The following NID2 variants were observed in gnomAD, a reference collection of about 807,000 sequenced individuals.
NID2 encodes nidogen-2.
NID2 carries 83 observed loss-of-function variants against 145.4 expected under a neutral mutation model. The ratio of observed to expected loss-of-function variants is 0.57; its 90% CI spans 0.48 to 0.69. The LOEUF (loss-of-function observed/expected upper bound fraction) is 0.69, where lower values mean the gene tolerates loss of function less well. Ranked by LOEUF, NID2 falls within the 30% of genes least tolerant of loss-of-function variation. The pLI is 0.00. For missense variants in NID2, 1,807 were observed against 1,765.7 expected (o/e 1.02, Z -0.42); for synonymous variants, 739 against 701.3 (o/e 1.05, Z -0.85).
chr14:52,036,646 T>A (rs1231810404), intron 9 of NID2, among the ~76,000 whole-genome samples: 1 of 152,216 alleles, frequency 6.6e-6, no homozygotes, highest in African/African-American at 2.4e-5. Flanking sequence ...GTTCCGAATT[T>A]TCCATGTTCT....
At chr14:52,023,588 T>G (rs1364525557) in intron 12 of NID2, among the ~76,000 whole-genome samples, 2 of 152,216 alleles carry the variant, frequency 1.3e-5, no homozygotes, top group Non-Finnish European at 2.9e-5. Context: ...GGGCCATCTG[T>G]AACCCAGCTT....
chr14:52,046,124 C>T (rs1892482401), intron 5 of NID2, among the ~76,000 whole-genome samples: 1 of 152,050 alleles, frequency 6.6e-6, no homozygotes, highest in African/African-American at 2.4e-5. Flanking sequence ...GAGACTGAGA[C>T]CATCCTGGCT....
At chr14:52,009,744 C>T (rs1890934524) in intron 18 of NID2, 1 of 152,190 alleles carries the variant, frequency 6.6e-6, no homozygotes, top group South Asian at 2.1e-4. Context: ...ACCTATAATC[C>T]CAGCACTTTG....
intron 12 of NID2, among the ~76,000 whole-genome samples, chr14:52,022,814 C>T (rs1248177991): frequency 6.6e-6 from 1 of 152,204 alleles, no homozygotes; most frequent in African/African-American, 2.4e-5. Flanking sequence ...TAACCCCTGG[C>T]CTCGAGTTCC....
At chr14:52,030,664 AAAAG>A (rs1251626947) in intron 9 of NID2, among the ~76,000 whole-genome samples, 5 of 151,008 alleles carry the variant, frequency 3.3e-5, no homozygotes, top group African/African-American at 9.8e-5. Context: ...GAAAGAAAGA[AAAAG>A]AAAAGAAAGA....
intron 5 of NID2, 44 bp from the exon 6 acceptor site, chr14:52,042,975 C>T (rs1371147017): frequency 6.3e-7 from 1 of 1,594,024 alleles, no homozygotes; most frequent in African/African-American, 1.3e-5. Flanking sequence ...TAAATGATTC[C>T]AATGTCACTG....
chr14:52,026,389 C>T (rs1891587279), intron 12 of NID2, among the ~76,000 whole-genome samples: 1 of 152,150 alleles, frequency 6.6e-6, no homozygotes, highest in Non-Finnish European at 1.5e-5. Flanking sequence ...CCCAGCAGGC[C>T]CTTTCCCATT....
chr14:52,007,490 T>TC, intron 19 of NID2: 1 of 311,728 alleles, frequency 3.2e-6, no homozygotes. Context: ...ATAGTGACCC[T>TC]CTCCCCGCAT....
At chr14:52,035,854 GTGTATATATATA>G (rs1892043194) in intron 9 of NID2, among the ~76,000 whole-genome samples, 1 of 36,074 alleles carries the variant, frequency 2.8e-5, no homozygotes, top group Non-Finnish European at 5.9e-5. Flanking sequence ...AAATTTTTTT[GTGTATATATATA>G]TATATATATA....
At chr14:52,005,916 C>CAGAAAATCAGTTGCAATAGAGGAAA (rs1890760905) in intron 20 of NID2, 67 bp from the exon 21 acceptor site, 6 of 1,205,288 alleles carry the variant, frequency 5.0e-6, no homozygotes, top group Non-Finnish European at 7.3e-6. Context: ...CAGTCAGCCA[C>CAGAAAATCAGTTGCAATAGAGGAAA]AGAAAATCAG....
intron 19 of NID2, 36 bp downstream of exon 19, chr14:52,007,774 A>G (rs1191263251): frequency 4.5e-6 from 7 of 1,560,880 alleles, no homozygotes; most frequent in Non-Finnish European, 6.2e-6. Context: ...CACTGTGATG[A>G]GAGGTTATCT....
At chr14:52,007,708 A>G (rs1019672974) in intron 19 of NID2, 102 bp downstream of exon 19, 2 of 1,037,716 alleles carry the variant, frequency 1.9e-6, no homozygotes, top group Non-Finnish European at 1.5e-6. Flanking sequence ...GACCAAAGAA[A>G]GGAGATCTAA....
At chr14:52,023,224 C>G (rs10129648) in intron 12 of NID2, among the ~76,000 whole-genome samples, 1 of 152,068 alleles carries the variant, frequency 6.6e-6, no homozygotes, top group Non-Finnish European at 1.5e-5. Context: ...CGCCTGTAAT[C>G]CCAGCACTTT....
intron 5 of NID2, 65 bp downstream of exon 5, chr14:52,053,514 C>T (rs888479927): frequency 4.0e-6 from 6 of 1,518,808 alleles, no homozygotes; most frequent in Admixed American, 4.2e-5. Context: ...AGAAAAATCA[C>T]AACGCTATGC....
chr14:52,014,223 T>A (rs1891131536), intron 16 of NID2, 64 bp downstream of exon 16: 7 of 1,596,364 alleles, frequency 4.4e-6, no homozygotes, highest in Non-Finnish European at 6.0e-6. Flanking sequence ...CAACAGGGCC[T>A]GTGAGGTGGC....
chr14:52,052,902 C>T (rs1892722091), intron 5 of NID2, among the ~76,000 whole-genome samples: 1 of 152,168 alleles, frequency 6.6e-6, no homozygotes, highest in South Asian at 2.1e-4. Context: ...ACATAGACCC[C>T]ATGTCCATGA....
chr14:52,040,889 G>T (rs765635516), intron 7 of NID2, 38 bp from the exon 8 acceptor site: 2 of 1,595,864 alleles, frequency 1.3e-6, no homozygotes, highest in South Asian at 1.1e-5. Context: ...GATGAAAAGA[G>T]GTCTTGCTTA....
rs1200919156 is a variant in NID2, at chr14:52,006,641, A to G, written c.3900T>C (p.Cys1300=). 1 of 1,613,712 alleles carries G rather than the reference A, an allele frequency of 6.2e-7. No individual in the cohort carries two copies. The highest frequency in any genetic ancestry group is 1.1e-5 in the South Asian group (1 of 91,060). ...GCCGTCCAGTTCCATCAGGTAGTGT[A>G]CACTCCAGTTTTTTGGTTCCTTTTA... ...WADAGTKKLE[C]TLPDGTGRRV... Residue 1300 remains cysteine (C), a synonymous_variant, in exon 20 of 22, where the codon TGT becomes TGC. Transcript: ENST00000216286.
chr14:52,047,723 C>T lies in NID2; in HGVS notation c.1430-4792G>A, dbSNP rs184209163. Among the ~76,000 whole-genome samples the T allele has an allele frequency of 4.6e-5, 7 of 152,112 alleles. No individual in the cohort carries two copies. In the East Asian group the frequency reaches 1.2e-3, roughly 25 times the overall value. On this transcript the variant is annotated intron_variant, in intron 5 of 21. Transcript: ENST00000216286. ...TGGGAAACCAAAAGGGTGGAGCTGC[C>T]AGTTACTGAGATAGGGAGACTGAGG...
Sources: allele counts gnomAD v4.1 joint callset (sites outside exome capture counted in the v4.1 genomes callset), GRCh38; gene constraint gnomAD v4.1.1; transcripts MANE v1.5; gene names NCBI Gene and HGNC (gene_info 2026-07-23, HGNC 2026-07-21).